Variants in CCDC61 observed in about 807,000 individuals in gnomAD.
CCDC61 encodes coiled-coil domain containing 61, also known as centrosomal protein CCDC61.
In CCDC61, 55 loss-of-function variants were observed where a neutral mutation model predicts 63.0. The ratio of observed to expected loss-of-function variants is 0.87; its 90% CI spans 0.70 to 1.09. The LOEUF (loss-of-function observed/expected upper bound fraction) is 1.09, where lower values mean the gene tolerates loss of function less well. Among genes scored for constraint, CCDC61 ranks in the 50% least tolerant of loss-of-function variants. The pLI is 0.00. For missense variants in CCDC61, 651 were observed against 731.4 expected (o/e 0.89, Z 1.27); for synonymous variants, 270 against 317.0 (o/e 0.85, Z 1.58).
Position 46,018,262 on chromosome 19 carries a change from GC to G in CCDC61, c.1442-23del, listed in dbSNP as rs1968990976. ...TCCCTGGGGCTTCAGGCCCCTCACA[GC>G]CCCCATACCCACACCTGCTCTCACA... On this transcript the variant is annotated intron_variant, in intron 13 of 13. Transcript: ENST00000595358. The surrounding 1 kb of genome is among the most constrained non-coding windows in gnomAD (Gnocchi z 4.2). The G allele has an allele frequency of 6.4e-7, 1 of 1,554,720 alleles. No individual in the cohort carries two copies. Among genetic ancestry groups the G allele is most frequent in the Non-Finnish European group, 8.7e-7 (1 of 1,148,396 alleles).
In CCDC61 at chr19:46,018,080, G is replaced by T; in HGVS notation, c.1371G>T (p.Lys457Asn). The T allele has an allele frequency of 6.2e-7, 1 of 1,609,330 alleles. No individual in the cohort carries two copies. Among genetic ancestry groups the T allele is most frequent in the East Asian group, 2.2e-5 (1 of 44,576 alleles). The change falls in exon 13 of 14, where the codon AAG becomes AAT. Residue 457 changes from lysine to asparagine, a missense_variant and splice_region_variant. By Grantham distance (94) the Lys-to-Asn change is moderately conservative (BLOSUM62 0). Transcript: ENST00000595358. This position sits in a 1 kb window ranked among gnomAD's most constrained non-coding sequence, Gnocchi z 4.2. ...SPTPWSGSNM[K>N]SPPVERSHHQ... ...TTTCCTACCTTCCCCATCACCAGAA[G>T]TCTCCCCCCGTGGAACGCAGCCACC...
chr19:46,015,807 C>T lies in CCDC61; in HGVS notation c.846-247C>T, dbSNP rs1249746635. Among the ~76,000 whole-genome samples, 1 of 149,210 alleles carries T rather than the reference C, an allele frequency of 6.7e-6. No homozygotes were observed. Among genetic ancestry groups the T allele is most frequent in the African/African-American group, 2.5e-5 (1 of 40,120 alleles). On this transcript the variant is annotated intron_variant, in intron 7 of 13. Transcript: ENST00000595358. This position sits in a 1 kb window ranked among gnomAD's most constrained non-coding sequence, Gnocchi z 5.3. ...GTTTCCGGGGAGTTGTGGAAGACTC[C>T]GGAAAGAAGGGTCTGTTGAAGGCGG...
In CCDC61 at chr19:46,016,918, G is replaced by GGGCT; in HGVS notation, c.1232-70_1232-67dup. 1.4e-6 allele frequency: 2 copies of GGGCT among 1,442,008 alleles called. No homozygotes were observed. The highest frequency in any genetic ancestry group is 5.0e-5 in the East Asian group (2 of 40,306). 89.3% of individuals were successfully genotyped at this position (1,442,008 alleles called of 1,614,324 possible). A position where few individuals can be genotyped will look rare whatever the true frequency, so the allele number is the denominator to read the frequency against. The stretch of plus-strand genomic sequence containing the variant: ...CTGGGAGGCACTGGGCAGGGCGGGC[G>GGGCT]GGCTGGGAGGGCCTGGGAAGCACTG... On this transcript the variant is annotated intron_variant, in intron 10 of 13. Coordinates refer to ENST00000595358, the MANE Select transcript of CCDC61 (RefSeq NM_001267723.2). This position sits in a 1 kb window ranked among gnomAD's most constrained non-coding sequence, Gnocchi z 7.2.
intron 3 of CCDC61, among the ~76,000 whole-genome samples, chr19:46,003,823 G>A (rs1174485070): frequency 1.2e-4 from 1 of 8,294 alleles, no homozygotes; most frequent in African/African-American, 7.0e-4. Context: ...CCAAATACGT[G>A]TGTGTGTGTG....
At chr19:46,007,151 C>A (rs1281169505) in intron 4 of CCDC61, among the ~76,000 whole-genome samples, 3 of 151,580 alleles carry the variant, frequency 2.0e-5, no homozygotes, top group African/African-American at 4.9e-5. Context: ...CAGGTTCAAG[C>A]AATTCTTGTG....
intron 5 of CCDC61, among the ~76,000 whole-genome samples, chr19:46,013,131 G>A (rs1968860632): frequency 6.6e-6 from 1 of 152,084 alleles, no homozygotes; most frequent in African/African-American, 2.4e-5. Context: ...CGATTCTCCT[G>A]CCTCAGCCTC....
chr19:45,997,069 G>A (rs1440070887), intron 1 of CCDC61, among the ~76,000 whole-genome samples: 3 of 150,398 alleles, frequency 2.0e-5, no homozygotes, highest in Non-Finnish European at 4.5e-5. Context: ...TCATTCCCCT[G>A]GCTCACTCTG....
chr19:46,016,033 C>T lies in CCDC61; in HGVS notation c.846-21C>T. 4 of 1,235,060 alleles carry T rather than the reference C, an allele frequency of 3.2e-6. No homozygotes were observed. The highest frequency in any genetic ancestry group is 4.0e-6 in the Non-Finnish European group (4 of 990,836). The allele number at this position is 1,235,060 out of a possible 1,614,324, so 76.5% of individuals were successfully genotyped here. On this transcript the variant is annotated intron_variant, in intron 7 of 13. Coordinates refer to ENST00000595358, the MANE Select transcript of CCDC61 (RefSeq NM_001267723.2). This position sits in a 1 kb window ranked among gnomAD's most constrained non-coding sequence, Gnocchi z 7.2. ...TTTGTCGGGGCGGGCGGGAAGCTGA[C>T]AGCTGCCTCTGTGGTCTCAGGAGGC...
intron 1 of CCDC61, among the ~76,000 whole-genome samples, chr19:46,002,707 G>A (rs1008791507): frequency 7.9e-5 from 12 of 152,092 alleles, no homozygotes; most frequent in African/African-American, 2.4e-4. Context: ...GTCAGCCACC[G>A]CGCCCGGCTT....
Position 46,016,701 on chromosome 19 carries a change from C to T in CCDC61, c.1099C>T (p.Gln367Ter). 2 of 1,612,174 alleles carry T rather than the reference C, an allele frequency of 1.2e-6. No homozygotes were observed. The highest frequency in any genetic ancestry group is 1.7e-6 in the Non-Finnish European group (2 of 1,179,430). ...TCCTTTCTTTTTTCCCAGGCAGCAG[C>T]AGCGGAACCGCTTAGGCAGTGGGGG... Reference protein sequence around the residue: ...KQREIQMKQQQRNRLGSGGSG... With the variant: ...KQREIQMKQQ The change falls in exon 10 of 14, where the codon CAG (glutamine) becomes TAG (stop). Residue 367 changes from glutamine to a stop codon, truncating the protein, a stop_gained. Transcript: ENST00000595358. LOFTEE classifies it high-confidence loss of function. This position sits in a 1 kb window ranked among gnomAD's most constrained non-coding sequence, Gnocchi z 7.2.
At position 46,015,035 on chromosome 19, in the gene CCDC61, C is replaced by A; in HGVS notation, c.552-14C>A. The stretch of plus-strand genomic sequence containing the variant: ...ATGCCTCTCTCTCCAGCGCTCTCTC[C>A]GCGTCTTCCCCAGGGTGTCGCGCCT... On this transcript the variant is annotated splice_polypyrimidine_tract_variant and intron_variant, in intron 5 of 13. Transcript: ENST00000595358. The surrounding 1 kb of genome is among the most constrained non-coding windows in gnomAD (Gnocchi z 5.3). The A allele has an allele frequency of 6.7e-7, 1 of 1,488,094 alleles. No individual in the cohort carries two copies. Among genetic ancestry groups the A allele is most frequent in the Non-Finnish European group, 8.9e-7 (1 of 1,123,044 alleles). 92.2% of individuals were successfully genotyped at this position (1,488,094 alleles called of 1,614,324 possible).
Position 46,015,022 on chromosome 19 carries a change from C to G in CCDC61, c.552-27C>G, listed in dbSNP as rs1268933668. 6 of 1,486,294 alleles carry G rather than the reference C, an allele frequency of 4.0e-6. No homozygotes were observed. In the Admixed American group the frequency reaches 1.3e-4, roughly 32 times the overall value. 92.1% of individuals were successfully genotyped at this position (1,486,294 alleles called of 1,614,324 possible). On this transcript the variant is annotated intron_variant, in intron 5 of 13. Coordinates refer to ENST00000595358, the MANE Select transcript of CCDC61 (RefSeq NM_001267723.2). This position sits in a 1 kb window ranked among gnomAD's most constrained non-coding sequence, Gnocchi z 5.3. ...TGGGAATGGGGCCATGCCTCTCTCT[C>G]CAGCGCTCTCTCCGCGTCTTCCCCA...
In CCDC61 at chr19:46,003,450, C is replaced by T. The variant is rs746754222; in HGVS notation, c.180C>T (p.Asn60=). ...FIEDLTHKTG[N]FKQFNIFCHM... ...AAGATTTGACTCACAAGACAGGGAA[C>T]TTCAAACAGTTCAACATCTTCTGTC... The change falls in exon 3 of 14, where the codon AAC becomes AAT. Residue 60 remains asparagine (N), a synonymous_variant. Coordinates refer to ENST00000595358, the MANE Select transcript of CCDC61 (RefSeq NM_001267723.2). 15 of 1,604,522 alleles carry T rather than the reference C, an allele frequency of 9.3e-6. No homozygotes were observed. The highest frequency in any genetic ancestry group is 1.3e-5 in the Non-Finnish European group (15 of 1,174,462).
chr19:45,995,529 T>TG, intron 1 of CCDC61, 25 bp downstream of exon 1: 1 of 506,116 alleles, frequency 2.0e-6, no homozygotes, highest in Non-Finnish European at 4.1e-6. Context: ...GAGTGGCGGT[T>TG]GCGCGGGCCG....
Position 46,003,068 on chromosome 19 carries a change from A to G in CCDC61, c.50A>G (p.Glu17Gly). ...GTGGACTACGTCTTCCGGGGTGTGG[A>G]GCATGCCGTGCGGGTGATGGTTTCT... ...LQVDYVFRGV[E>G]HAVRVMVSGQ... The change falls in exon 2 of 14, where the codon GAG becomes GGG. Residue 17 changes from glutamate to glycine, a missense_variant. Transcript: ENST00000595358. The G allele has an allele frequency of 1.9e-6, 3 of 1,604,006 alleles. No individual in the cohort carries two copies. The highest frequency in any genetic ancestry group is 2.6e-6 in the Non-Finnish European group (3 of 1,175,502).
Position 46,016,220 on chromosome 19 carries a change from A to G in CCDC61, c.1012A>G (p.Thr338Ala), listed in dbSNP as rs754597762. ...CCCTGCGCGCCCCTCGCCCTCGCCC[A>G]CAGGTCTGTGCCCCTGCCCTGCGGT... Reference protein sequence around the residue: ...GRPARPSPSPTGGRALRFDPT... With the variant: ...GRPARPSPSPAGGRALRFDPT... The change falls in exon 8 of 14, where the codon ACA (threonine) becomes GCA (alanine). Residue 338 changes from threonine to alanine, a missense_variant. Thr to Ala is a moderately conservative substitution (Grantham distance 58). Coordinates refer to ENST00000595358, the MANE Select transcript of CCDC61 (RefSeq NM_001267723.2). The surrounding 1 kb of genome is among the most constrained non-coding windows in gnomAD (Gnocchi z 7.2). 6 of 1,497,316 alleles carry G rather than the reference A, an allele frequency of 4.0e-6. No individual in the cohort carries two copies. The highest frequency in any genetic ancestry group is 5.2e-5 in the East Asian group (2 of 38,756). The allele number at this position is 1,497,316 out of a possible 1,614,324, so 92.8% of individuals were successfully genotyped here. A position where few individuals can be genotyped will look rare whatever the true frequency, so the allele number is the denominator to read the frequency against.
intron 1 of CCDC61, among the ~76,000 whole-genome samples, chr19:45,996,911 C>G (rs575594300): frequency 6.6e-6 from 1 of 152,268 alleles, no homozygotes; most frequent in East Asian, 1.9e-4. Flanking sequence ...TAGGGGGATA[C>G]TAGTAGAACA....
chr19:46,012,680 G>A (rs1440515496), intron 5 of CCDC61, among the ~76,000 whole-genome samples: 1 of 151,152 alleles, frequency 6.6e-6, no homozygotes, highest in African/African-American at 2.4e-5. Flanking sequence ...ATCAAAAGTA[G>A]TCATTTCCCC....
At chr19:46,003,362 T>C in intron 2 of CCDC61, 57 bp from the exon 3 acceptor site, 1 of 1,550,032 alleles carries the variant, frequency 6.5e-7, no homozygotes, top group South Asian at 1.1e-5. Flanking sequence ...CTTAGGTGCA[T>C]TGCCCTGGGG....
Sources: allele counts gnomAD v4.1 joint callset (sites outside exome capture counted in the v4.1 genomes callset), GRCh38; gene constraint gnomAD v4.1.1; non-coding constraint Gnocchi (gnomAD v3.1); transcripts MANE v1.5; gene names NCBI Gene and HGNC (gene_info 2026-07-23, HGNC 2026-07-21).